The following ENOPH1 variants were observed in gnomAD, a reference collection of about 807,000 sequenced individuals.
ENOPH1 encodes the protein enolase-phosphatase E1.
ENOPH1 carries 14 observed loss-of-function variants against 31.1 expected under a neutral mutation model. That is an observed-to-expected ratio of 0.45 (90% CI 0.30 to 0.70). The LOEUF is 0.70. Ranked by LOEUF, ENOPH1 falls within the 30% of genes least tolerant of loss-of-function variation. The pLI is 0.09. For synonymous variants in ENOPH1, 127 were observed against 123.2 expected (o/e 1.03, Z -0.21); for missense variants, 243 against 321.5 (o/e 0.76, Z 1.87).
chr4:82,456,910 T>G lies in ENOPH1; in HGVS notation c.523-5T>G. 6.2e-7 allele frequency: 1 copy of G among 1,613,694 alleles called. No individual in the cohort carries two copies. Among genetic ancestry groups the G allele is most frequent in the Non-Finnish European group, 8.5e-7 (1 of 1,179,800 alleles). On this transcript the variant is annotated splice_region_variant and splice_polypyrimidine_tract_variant and intron_variant, in intron 4 of 5. Coordinates refer to ENST00000273920, the MANE Select transcript of ENOPH1 (RefSeq NM_021204.5). ...TTGCCAGTCTTTCCCCTTCTCTTTG[T>G]TCAGCTTGTTGATGGTCACTTTGAT...
At chr4:82,431,890 TA>T (rs898337526) in intron 1 of ENOPH1, among the ~76,000 whole-genome samples, 2 of 150,724 alleles carry the variant, frequency 1.3e-5, no homozygotes, top group East Asian at 1.9e-4. Flanking sequence ...TTTCCATTTT[TA>T]AAAAAAATTA....
chr4:82,433,511 C>G (rs916964816), intron 1 of ENOPH1, among the ~76,000 whole-genome samples: 1 of 152,104 alleles, frequency 6.6e-6, no homozygotes, highest in Non-Finnish European at 1.5e-5. Flanking sequence ...TATTGTTAAT[C>G]TATTATAATC....
intron 1 of ENOPH1, among the ~76,000 whole-genome samples, chr4:82,446,092 G>A (rs367737014): frequency 7.2e-4 from 110 of 152,180 alleles, no homozygotes; most frequent in African/African-American, 2.5e-3. Context: ...GGTAATCCTT[G>A]CTCAGTTTAA....
At position 82,430,866 on chromosome 4, in the gene ENOPH1, A is replaced by T; in HGVS notation, c.37A>T (p.Ile13Phe). The T allele has an allele frequency of 4.3e-6, 7 of 1,614,222 alleles. No individual in the cohort carries two copies. Among genetic ancestry groups the T allele is most frequent in the Non-Finnish European group, 5.1e-6 (6 of 1,180,010 alleles). ...VLSVPAEVTV[I>F]LLDIEGTTTP... The stretch of plus-strand genomic sequence containing the variant: ...TTCGGTCCCCGCCGAAGTCACCGTG[A>T]TCCTGTTAGATATCGAAGGTACCAC... The change falls in exon 1 of 6, where the codon ATC becomes TTC. Residue 13 changes from isoleucine (I) to phenylalanine (F), a missense_variant. By Grantham distance (21) the Ile-to-Phe change is conservative. Coordinates refer to ENST00000273920, the MANE Select transcript of ENOPH1 (RefSeq NM_021204.5).
At chr4:82,459,407 CAGCACTCTTGAGT>C (rs1722582106) in intron 5 of ENOPH1, among the ~76,000 whole-genome samples, 1 of 152,160 alleles carries the variant, frequency 6.6e-6, no homozygotes. Context: ...CCTCCCACCT[CAGCACTCTTGAGT>C]AGCTGGGACT....
At chr4:82,449,188 C>T (rs896982029) in intron 2 of ENOPH1, among the ~76,000 whole-genome samples, 2 of 151,978 alleles carry the variant, frequency 1.3e-5, no homozygotes, top group African/African-American at 4.8e-5. Flanking sequence ...TGTAGTGAGC[C>T]GAGATGGCGC....
chr4:82,435,882 G>A (rs779688263), intron 1 of ENOPH1, among the ~76,000 whole-genome samples: 1 of 152,124 alleles, frequency 6.6e-6, no homozygotes, highest in Non-Finnish European at 1.5e-5. Flanking sequence ...CGCAGGGATG[G>A]GCTACTAGGA....
intron 1 of ENOPH1, among the ~76,000 whole-genome samples, chr4:82,446,503 G>A (rs969574310): frequency 6.6e-6 from 1 of 152,110 alleles, no homozygotes; most frequent in Non-Finnish European, 1.5e-5. Flanking sequence ...ACTTTGCCTT[G>A]TGTTAGTCCT....
At chr4:82,457,107 C>A in intron 5 of ENOPH1, 69 bp downstream of exon 5, 3 of 1,411,980 alleles carry the variant, frequency 2.1e-6, no homozygotes, top group Non-Finnish European at 1.9e-6. Context: ...AAATACATTG[C>A]CTCTTTAAAG....
chr4:82,433,261 T>A (rs924665037), intron 1 of ENOPH1, among the ~76,000 whole-genome samples: 1 of 152,220 alleles, frequency 6.6e-6, no homozygotes, highest in Non-Finnish European at 1.5e-5. Flanking sequence ...CCCCACCTTT[T>A]TCCCCAAGTG....
In ENOPH1 at chr4:82,448,297, C is replaced by T. The variant is rs541323969; in HGVS notation, c.186+276C>T. Among the ~76,000 whole-genome samples the T allele has an allele frequency of 2.7e-5, 4 of 148,662 alleles. No individual in the cohort carries two copies. In the East Asian group the frequency reaches 7.9e-4, roughly 29 times the overall value. ...TTTTTTTTGAGATGGAGTCTCACTT[C>T]GTTGCCCAGGCTGGAGTGTGGTGGT... On this transcript the variant is annotated intron_variant, in intron 2 of 5. Transcript: ENST00000273920.
At chr4:82,432,203 C>T (rs182848246) in intron 1 of ENOPH1, among the ~76,000 whole-genome samples, 3 of 152,200 alleles carry the variant, frequency 2.0e-5, no homozygotes, top group Admixed American at 2.0e-4. Context: ...GAATGAGTTT[C>T]TTGATGTAGG....
intron 3 of ENOPH1, among the ~76,000 whole-genome samples, chr4:82,453,329 C>T (rs763749609): frequency 1.8e-4 from 28 of 152,146 alleles, no homozygotes; most frequent in Non-Finnish European, 2.9e-4. Flanking sequence ...ATGTACTTTA[C>T]GAGGAGCTTC....
intron 2 of ENOPH1, 76 bp downstream of exon 2, chr4:82,448,097 C>T: frequency 9.8e-7 from 1 of 1,015,892 alleles, no homozygotes; most frequent in Non-Finnish European, 1.5e-6. Context: ...ATGCTCTGAG[C>T]ATTTTGTAAA....
chr4:82,452,640 G>A (rs1722379521), intron 3 of ENOPH1, among the ~76,000 whole-genome samples: 1 of 152,044 alleles, frequency 6.6e-6, no homozygotes, highest in African/African-American at 2.4e-5. Context: ...AGGATGGAGT[G>A]CATTCACACA....
At chr4:82,431,109 C>T (rs1040814368) in intron 1 of ENOPH1, among the ~76,000 whole-genome samples, 196 bp downstream of exon 1, 1 of 152,228 alleles carries the variant, frequency 6.6e-6, no homozygotes, top group Non-Finnish European at 1.5e-5. Context: ...TAGCTTCTCC[C>T]TCCCCCGCCC....
intron 1 of ENOPH1, among the ~76,000 whole-genome samples, chr4:82,441,604 A>C (rs1722043054): frequency 6.6e-6 from 1 of 152,162 alleles, no homozygotes; most frequent in African/African-American, 2.4e-5. Flanking sequence ...ACTGCACTCC[A>C]GCCTGGGCGA....
chr4:82,444,171 G>A (rs999213369), intron 1 of ENOPH1, among the ~76,000 whole-genome samples: 5 of 152,088 alleles, frequency 3.3e-5, no homozygotes, highest in South Asian at 4.1e-4. Flanking sequence ...CACGGCGCCC[G>A]GCCAGAAAGC....
intron 3 of ENOPH1, 61 bp from the exon 4 acceptor site, chr4:82,454,661 C>T: frequency 6.4e-7 from 1 of 1,555,546 alleles, no homozygotes; most frequent in Non-Finnish European, 8.7e-7. Flanking sequence ...TCTGTTTTGA[C>T]AGGTTTTTAT....
Sources: gnomAD v4.1 joint callset for allele counts (sites outside exome capture counted in the v4.1 genomes callset) on GRCh38, gnomAD v4.1.1 for gene constraint, MANE v1.5 for transcripts, NCBI Gene and HGNC (gene_info 2026-07-23, HGNC 2026-07-21) for gene names.